SDK1: variants seen among roughly 807,000 people sequenced by gnomAD.
The protein encoded by SDK1 is sidekick cell adhesion molecule 1, also known as protein sidekick-1.
Under a neutral mutation model 245.5 loss-of-function variants are expected in SDK1, and 157 were observed. The observed-to-expected ratio is 0.64, with a 90% CI of 0.56 to 0.73. SDK1 has a LOEUF of 0.73. SDK1 is among the 30% of genes least tolerant of loss of function. SDK1 has a pLI of 0.00. For synonymous variants in SDK1, 1,647 were observed against 1,278.5 expected (o/e 1.29, Z -6.15); for missense variants, 3,583 against 3,002.3 (o/e 1.19, Z -4.52).
intron 4 of SDK1, among the ~76,000 whole-genome samples, chr7:3,712,242 C>T (rs947212920): frequency 1.3e-5 from 2 of 152,104 alleles, no homozygotes; most frequent in African/African-American, 2.4e-5. Context: ...AGATCAGTGG[C>T]AGCATATGAT....
chr7:3,534,241 G>A (rs1778805419), intron 1 of SDK1, among the ~76,000 whole-genome samples: 1 of 151,910 alleles, frequency 6.6e-6, no homozygotes, highest in African/African-American at 2.4e-5. Flanking sequence ...TTTTTTTTAA[G>A]TTAATATTCC....
At chr7:3,483,438 T>C (rs1028818425) in intron 1 of SDK1, among the ~76,000 whole-genome samples, 2 of 152,142 alleles carry the variant, frequency 1.3e-5, no homozygotes, top group Non-Finnish European at 2.9e-5. Context: ...TGTTTTGCGC[T>C]TGCCAAAATC....
chr7:4,110,160 TG>T (rs1362749732), intron 22 of SDK1, among the ~76,000 whole-genome samples: 3 of 152,162 alleles, frequency 2.0e-5, no homozygotes, highest in Non-Finnish European at 4.4e-5. Flanking sequence ...CCTTATGCCG[TG>T]GGCCAGCAAT....
chr7:4,246,119 G>T (rs1475923167), intron 44 of SDK1, among the ~76,000 whole-genome samples: 1 of 152,212 alleles, frequency 6.6e-6, no homozygotes, highest in African/African-American at 2.4e-5. Context: ...GCTTCGAGCA[G>T]TCTAGATGCT....
At chr7:3,720,232 G>A (rs1330002439) in intron 4 of SDK1, among the ~76,000 whole-genome samples, 1 of 151,978 alleles carries the variant, frequency 6.6e-6, no homozygotes, top group Admixed American at 6.5e-5. Flanking sequence ...CTCCAGCCTG[G>A]GCGACAGAGC....
At chr7:3,929,946 T>A (rs540531889) in intron 5 of SDK1, among the ~76,000 whole-genome samples, 1 of 152,286 alleles carries the variant, frequency 6.6e-6, no homozygotes, top group South Asian at 2.1e-4. Flanking sequence ...GGAGCCGGCG[T>A]GTCACGTTCC....
At chr7:3,785,476 T>C (rs1160109700) in intron 4 of SDK1, among the ~76,000 whole-genome samples, 5 of 152,290 alleles carry the variant, frequency 3.3e-5, no homozygotes, top group African/African-American at 1.2e-4. Flanking sequence ...TTGTGAATTG[T>C]CAATTTACAA....
At chr7:3,907,440 C>G (rs1347406546) in intron 5 of SDK1, among the ~76,000 whole-genome samples, 1 of 152,164 alleles carries the variant, frequency 6.6e-6, no homozygotes, top group Non-Finnish European at 1.5e-5. Flanking sequence ...TAGCATGTGT[C>G]AAAAACTCAT....
chr7:4,246,695 A>G (rs1222506703), intron 44 of SDK1, among the ~76,000 whole-genome samples: 2 of 152,024 alleles, frequency 1.3e-5, no homozygotes, highest in Non-Finnish European at 2.9e-5. Context: ...CTCAGGGTGA[A>G]TCCAGACTTG....
At chr7:4,252,824 TC>T (rs34027141) in intron 44 of SDK1, among the ~76,000 whole-genome samples, 52,811 of 145,014 alleles carry the variant, frequency 0.36, 11,064 homozygotes, top group African/African-American at 0.57. Context: ...TTATTCCGTT[TC>T]CCCCCCCCTC....
chr7:3,793,666 C>T (rs116383021), intron 4 of SDK1, among the ~76,000 whole-genome samples: 3 of 152,266 alleles, frequency 2.0e-5, no homozygotes, highest in Non-Finnish European at 2.9e-5. Flanking sequence ...CTTTCTAAAC[C>T]TTCCACTCCT....
At chr7:4,210,796 T>C (rs969051847) in intron 38 of SDK1, among the ~76,000 whole-genome samples, 1 of 152,256 alleles carries the variant, frequency 6.6e-6, no homozygotes, top group African/African-American at 2.4e-5. Flanking sequence ...CAGTTCCTAT[T>C]CCAGGGCAGA....
chr7:3,841,331 A>G (rs550501955), intron 5 of SDK1, among the ~76,000 whole-genome samples: 1 of 152,316 alleles, frequency 6.6e-6, no homozygotes, highest in East Asian at 1.9e-4. Context: ...TGCTGGAGGC[A>G]TCCTTTGGAT....
chr7:3,718,519 C>G (rs988480106), intron 4 of SDK1, among the ~76,000 whole-genome samples: 1 of 131,726 alleles, frequency 7.6e-6, no homozygotes, highest in Non-Finnish European at 1.6e-5. Flanking sequence ...AAAACTGTAT[C>G]TCAATAAATA....
At position 3,484,321 on chromosome 7, in the gene SDK1, T is replaced by A. The variant is rs558339409; in HGVS notation, c.299-134759T>A. ...TTTTCAACCAAACATAGATCGAAAATACATATTCACTGGATGCGAAACCTA... is the reference window on the plus strand; with the variant it reads ...TTTTCAACCAAACATAGATCGAAAAAACATATTCACTGGATGCGAAACCTA... On this transcript the variant is annotated intron_variant, in intron 1 of 44. Transcript: ENST00000404826. 5.7e-4 allele frequency among the ~76,000 whole-genome samples: 86 copies of A among 152,154 alleles called. No individual in the cohort carries two copies. In the South Asian group the frequency reaches 0.012, roughly 21 times the overall value.
intron 5 of SDK1, among the ~76,000 whole-genome samples, chr7:3,863,378 C>G (rs1218270677): frequency 6.6e-6 from 1 of 152,170 alleles, no homozygotes; most frequent in Non-Finnish European, 1.5e-5. Context: ...GATTGGCACC[C>G]CATTGCCTGG....
At chr7:3,949,291 C>T (rs1453588436) in intron 5 of SDK1, among the ~76,000 whole-genome samples, 6 of 152,240 alleles carry the variant, frequency 3.9e-5, no homozygotes, top group Non-Finnish European at 8.8e-5. Context: ...TTGGCTCTGT[C>T]TGCATCAGGC....
At chr7:3,898,041 T>A (rs1003758810) in intron 5 of SDK1, among the ~76,000 whole-genome samples, 1 of 152,170 alleles carries the variant, frequency 6.6e-6, no homozygotes, top group Admixed American at 6.5e-5. Context: ...CACACCCCAA[T>A]CAACATGACT....
chr7:3,495,833 C>G (rs990195942), intron 1 of SDK1, among the ~76,000 whole-genome samples: 4 of 152,156 alleles, frequency 2.6e-5, no homozygotes, highest in Non-Finnish European at 5.9e-5. Context: ...CCTGGGTGCT[C>G]CTACAAAACG....
Sources: gnomAD v4.1 joint callset for allele counts (sites outside exome capture counted in the v4.1 genomes callset) on GRCh38, gnomAD v4.1.1 for gene constraint, MANE v1.5 for transcripts, NCBI Gene and HGNC (gene_info 2026-07-23, HGNC 2026-07-21) for gene names.